Variants in WRN observed in about 807,000 individuals in gnomAD.
The protein encoded by WRN is WRN RecQ like helicase, also known as bifunctional 3'-5' exonuclease/ATP-dependent helicase WRN.
WRN carries 149 observed loss-of-function variants against 180.7 expected under a neutral mutation model. The ratio of observed to expected loss-of-function variants is 0.82; its 90% CI spans 0.72 to 0.94. The LOEUF (loss-of-function observed/expected upper bound fraction) is 0.94, where lower values mean the gene tolerates loss of function less well. WRN is among the 40% of genes least tolerant of loss of function. WRN has a pLI of 0.00. For synonymous variants in WRN, 548 were observed against 568.9 expected (o/e 0.96, Z 0.52); for missense variants, 1,661 against 1,700.1 (o/e 0.98, Z 0.40).
intron 24 of WRN, among the ~76,000 whole-genome samples, chr8:31,136,408 A>G (rs1320371086): frequency 6.6e-6 from 1 of 152,206 alleles, no homozygotes; most frequent in Non-Finnish European, 1.5e-5. Context: ...ATTGAGTTAA[A>G]CTGAAAGCTG....
chr8:31,100,849 G>C lies in WRN; in HGVS notation c.1982G>C (p.Gly661Ala). The C allele has an allele frequency of 6.2e-7, 1 of 1,611,944 alleles. No individual in the cohort carries two copies. The highest frequency in any genetic ancestry group is 8.5e-7 in the Non-Finnish European group (1 of 1,179,162). ...GLLQQLEADI[G>A]ITLIAVDEAH... ...TTTATGTGTTTTTCTTTTTTTACAGGTATCACGCTCATTGCTGTGGATGAG... is the reference window on the plus strand; with the variant it reads ...TTTATGTGTTTTTCTTTTTTTACAGCTATCACGCTCATTGCTGTGGATGAG... The change falls in exon 18 of 35, where the codon GGT (glycine) becomes GCT (alanine). Residue 661 changes from glycine (G) to alanine (A), a missense_variant and splice_region_variant. Coordinates refer to ENST00000298139, the MANE Select transcript of WRN (RefSeq NM_000553.6).
At chr8:31,117,661 G>C (rs1801572958) in intron 20 of WRN, among the ~76,000 whole-genome samples, 1 of 152,020 alleles carries the variant, frequency 6.6e-6, no homozygotes, top group African/African-American at 2.4e-5. Context: ...TGCATTTTCT[G>C]TCCCACCGGT....
chr8:31,098,275 A>G (rs768424468), intron 17 of WRN, among the ~76,000 whole-genome samples: 102 of 152,308 alleles, frequency 6.7e-4, no homozygotes, highest in Non-Finnish European at 1.1e-3. Flanking sequence ...CCCTATATAT[A>G]AATTTCATGG....
At chr8:31,117,176 T>C (rs1801556133) in intron 20 of WRN, among the ~76,000 whole-genome samples, 1 of 152,170 alleles carries the variant, frequency 6.6e-6, no homozygotes, top group Non-Finnish European at 1.5e-5. Flanking sequence ...TTTTCTGTAA[T>C]AGGTAAAACG....
At chr8:31,157,690 C>G (rs1196592402) in intron 33 of WRN, among the ~76,000 whole-genome samples, 160 bp downstream of exon 33, 2 of 152,096 alleles carry the variant, frequency 1.3e-5, no homozygotes, top group Non-Finnish European at 2.9e-5. Context: ...TCTTTCTTCC[C>G]ATTATCACTC....
chr8:31,106,485 C>T (rs1233059988), intron 18 of WRN, among the ~76,000 whole-genome samples: 2 of 152,178 alleles, frequency 1.3e-5, no homozygotes, highest in Non-Finnish European at 2.9e-5. Context: ...TCCTCATTCA[C>T]CGGATGCAGC....
intron 1 of WRN, among the ~76,000 whole-genome samples, chr8:31,039,722 C>T (rs188900387): frequency 6.6e-6 from 1 of 151,914 alleles, no homozygotes; most frequent in African/African-American, 2.4e-5. Flanking sequence ...GAGGAAATAC[C>T]CTTTTATTCC....
Position 31,107,129 on chromosome 8 carries a change from G to A in WRN, c.2089-4486G>A, listed in dbSNP as rs73670450. 6.9e-3 allele frequency among the ~76,000 whole-genome samples: 1,050 copies of A among 152,302 alleles called. 10 individuals carry two copies. Among genetic ancestry groups the A allele is most frequent in the African/African-American group, 0.024 (992 of 41,570 alleles). The stretch of plus-strand genomic sequence containing the variant: ...AACAGTAGAAGTAATAGCACCAAAT[G>A]AAATATGGTATTATGAAGTGGTACA... On this transcript the variant is annotated intron_variant, in intron 18 of 34. Transcript: ENST00000298139.
At chr8:31,059,456 T>G (rs966541995) in intron 3 of WRN, among the ~76,000 whole-genome samples, 191 bp downstream of exon 3, 1 of 152,244 alleles carries the variant, frequency 6.6e-6, no homozygotes, top group South Asian at 2.1e-4. Context: ...TCTGTCAGTT[T>G]GTTCATTCAT....
At chr8:31,104,716 A>G (rs996884725) in intron 18 of WRN, among the ~76,000 whole-genome samples, 13 of 152,266 alleles carry the variant, frequency 8.5e-5, no homozygotes, top group South Asian at 6.2e-4. Flanking sequence ...TGTTTTCCCA[A>G]TAGATTAAAT....
At chr8:31,055,088 A>G (rs1437734568) in intron 1 of WRN, among the ~76,000 whole-genome samples, 1 of 152,152 alleles carries the variant, frequency 6.6e-6, no homozygotes, top group African/African-American at 2.4e-5. Flanking sequence ...TCCATTTTAT[A>G]TGTACCACAT....
chr8:31,090,596 T>G (rs1157416703), intron 14 of WRN, 64 bp downstream of exon 14: 2 of 1,479,498 alleles, frequency 1.4e-6, no homozygotes, highest in East Asian at 2.3e-5. Context: ...TTTGAAATGC[T>G]TAATCTTTCA....
At chr8:31,124,403 C>T in intron 21 of WRN, 119 bp from the exon 22 acceptor site, 23 of 745,754 alleles carry the variant, frequency 3.1e-5, no homozygotes, top group African/African-American at 3.6e-5. Flanking sequence ...GTTTTTTTAT[C>T]TTGATGGGGT....
chr8:31,080,327 C>T (rs1278768701), intron 8 of WRN, among the ~76,000 whole-genome samples: 2 of 152,124 alleles, frequency 1.3e-5, no homozygotes, highest in Non-Finnish European at 2.9e-5. Context: ...GTACCATCTA[C>T]AATTTCCAAT....
At chr8:31,055,133 G>GT (rs1198480660) in intron 1 of WRN, among the ~76,000 whole-genome samples, 2 of 152,044 alleles carry the variant, frequency 1.3e-5, no homozygotes, top group Non-Finnish European at 2.9e-5. Flanking sequence ...TGGGCATTTG[G>GT]TTTTTTTCCA....
rs1060500073 is a variant in WRN at position 31,085,241 on chromosome 8, C to T, written c.1426C>T (p.Leu476Phe). 2 of 1,612,402 alleles carry T rather than the reference C, an allele frequency of 1.2e-6. No individual in the cohort carries two copies. Among genetic ancestry groups the T allele is most frequent in the Admixed American group, 1.7e-5 (1 of 59,938 alleles). ...TGATGAAGATTTAGAAATGGAGATGCTTAAGGTATGTTTACAATTATAAAA... is the reference window on the plus strand; with the variant it reads ...TGATGAAGATTTAGAAATGGAGATGTTTAAGGTATGTTTACAATTATAAAA... ...ESDEDLEMEM[L>F]KSLENLNSGT... The change falls in exon 11 of 35, where the codon CTT (leucine) becomes TTT (phenylalanine). Residue 476 changes from leucine (L) to phenylalanine (F), a missense_variant. Transcript: ENST00000298139.
intron 23 of WRN, among the ~76,000 whole-genome samples, chr8:31,128,952 A>G (rs935322852): frequency 2.0e-5 from 3 of 151,208 alleles, no homozygotes; most frequent in African/African-American, 7.3e-5. Context: ...TATGGCCTGT[A>G]GGCCAAATCT....
rs374133981 is a variant in WRN at position 31,087,943 on chromosome 8, A to C, written c.1576+23A>C. The C allele has an allele frequency of 9.9e-6, 16 of 1,608,390 alleles. No individual in the cohort carries two copies. The African/African-American group carries it at 2.0e-4, about 20-fold the overall frequency. On this transcript the variant is annotated intron_variant, in intron 12 of 34. Coordinates refer to ENST00000298139, the MANE Select transcript of WRN (RefSeq NM_000553.6). The stretch of plus-strand genomic sequence containing the variant: ...AGGGTAAGCACTGAAGTATGTTTGA[A>C]ATGACTCACCTGTGATACCTACCAC...
At chr8:31,157,234 A>C in intron 32 of WRN, 134 bp from the exon 33 acceptor site, 1 of 1,303,804 alleles carries the variant, frequency 7.7e-7, no homozygotes, top group Non-Finnish European at 1.1e-6. Flanking sequence ...GAAAATGAAA[A>C]ACTTAAGTAA....
Sources: gnomAD v4.1 joint callset for allele counts (sites outside exome capture counted in the v4.1 genomes callset) on GRCh38, gnomAD v4.1.1 for gene constraint, MANE v1.5 for transcripts, NCBI Gene and HGNC (gene_info 2026-07-23, HGNC 2026-07-21) for gene names.